RAP1GAP2: variants seen among roughly 807,000 people sequenced by gnomAD.
RAP1GAP2 encodes the protein RAP1 GTPase activating protein 2.
RAP1GAP2 carries 27 observed loss-of-function variants against 95.0 expected under a neutral mutation model. That is an observed-to-expected ratio of 0.28 (90% CI 0.21 to 0.39). RAP1GAP2 has a LOEUF of 0.39. RAP1GAP2 is among the 10% of genes least tolerant of loss of function. RAP1GAP2 has a pLI of 1.00. For missense variants in RAP1GAP2, 771 were observed against 970.0 expected (o/e 0.79, Z 2.72); for synonymous variants, 373 against 380.9 (o/e 0.98, Z 0.24).
intron 12 of RAP1GAP2, among the ~76,000 whole-genome samples, chr17:2,992,840 C>T (rs1481905756): frequency 2.0e-5 from 3 of 152,228 alleles, no homozygotes; most frequent in East Asian, 1.9e-4. Flanking sequence ...ATAAAACCCC[C>T]GCTCCATCAC....
intron 1 of RAP1GAP2, among the ~76,000 whole-genome samples, chr17:2,769,383 G>A (rs576438788): frequency 3.9e-4 from 58 of 149,636 alleles, no homozygotes; most frequent in South Asian, 2.3e-3. Context: ...GTGAAACCCC[G>A]TCTGTACTAA....
intron 2 of RAP1GAP2, among the ~76,000 whole-genome samples, chr17:2,872,715 A>T (rs1358532004): frequency 6.6e-6 from 1 of 151,510 alleles, no homozygotes; most frequent in Non-Finnish European, 1.5e-5. Flanking sequence ...TACAAAGACA[A>T]AGTTTTGTTC....
chr17:2,820,903 T>TTTTTTTTTTTTTTTTTTTTTTTG lies in RAP1GAP2; in HGVS notation c.80+20359_80+20360insTTTTTTTTTTTTTTTTGTTTTTT, dbSNP rs1567678183. On this transcript the variant is annotated intron_variant, in intron 2 of 24. Coordinates refer to ENST00000254695, the MANE Select transcript of RAP1GAP2 (RefSeq NM_015085.5). ...CGGCCCGGATAATGGTTTTTTTTTT[T>TTTTTTTTTTTTTTTTTTTTTTTG]TTTTTTGTATTTTTAGTAGAGATAG... Among the ~76,000 whole-genome samples the TTTTTTTTTTTTTTTTTTTTTTTG allele has an allele frequency of 2.1e-5, 3 of 145,868 alleles. 1 individual carries two copies. Among genetic ancestry groups the TTTTTTTTTTTTTTTTTTTTTTTG allele is most frequent in the Admixed American group, 7.0e-5 (1 of 14,330 alleles).
At chr17:2,888,353 G>C (rs969415644) in intron 2 of RAP1GAP2, among the ~76,000 whole-genome samples, 3 of 152,168 alleles carry the variant, frequency 2.0e-5, no homozygotes, top group Non-Finnish European at 4.4e-5. Flanking sequence ...CAAGGCTACA[G>C]AATACTAGAA....
At chr17:2,914,011 C>T (rs2042482296) in intron 3 of RAP1GAP2, among the ~76,000 whole-genome samples, 1 of 152,106 alleles carries the variant, frequency 6.6e-6, no homozygotes, top group Non-Finnish European at 1.5e-5. Context: ...GCTGGGATTA[C>T]AGGTGCCCAC....
chr17:2,866,388 C>T lies in RAP1GAP2; in HGVS notation c.81-38896C>T, dbSNP rs1466820370. Among the ~76,000 whole-genome samples, 1 of 152,186 alleles carries T rather than the reference C, an allele frequency of 6.6e-6. No homozygotes were observed. The highest frequency in any genetic ancestry group is 2.4e-5 in the African/African-American group (1 of 41,420). ...TCAGGCTGTGGGAGGCTTCCCTGCT[C>T]CCCGCCTCCCCTAGACTCAGGGCAG... On this transcript the variant is annotated intron_variant, in intron 2 of 24. Transcript: ENST00000254695. The surrounding 1 kb of genome is among the most constrained non-coding windows in gnomAD (Gnocchi z 4.0).
intron 8 of RAP1GAP2, among the ~76,000 whole-genome samples, chr17:2,974,107 C>T (rs1489357647): frequency 6.6e-6 from 1 of 150,804 alleles, no homozygotes; most frequent in Non-Finnish European, 1.5e-5. Flanking sequence ...CTTGGGAGGC[C>T]AAGGCGGGCG....
chr17:2,969,547 G>T (rs2044768618), intron 8 of RAP1GAP2, among the ~76,000 whole-genome samples: 1 of 126,548 alleles, frequency 7.9e-6, no homozygotes, highest in Admixed American at 9.9e-5. Context: ...TGTTGCCCAG[G>T]TTGGAGTGCA....
upstream of RAP1GAP2, among the ~76,000 whole-genome samples, chr17:2,772,616 C>A (rs1026212079): frequency 1.3e-5 from 2 of 151,460 alleles, no homozygotes; most frequent in African/African-American, 2.4e-5. Context: ...TTTTAGTTCC[C>A]GTTATGTGTC....
chr17:2,874,263 C>T (rs1470985904), intron 2 of RAP1GAP2, among the ~76,000 whole-genome samples: 1 of 152,152 alleles, frequency 6.6e-6, no homozygotes, highest in Non-Finnish European at 1.5e-5. Flanking sequence ...TCCCCTCTGC[C>T]AACTGGACAT....
chr17:2,766,705 A>G (rs2068282842), intron 1 of RAP1GAP2, among the ~76,000 whole-genome samples: 1 of 152,146 alleles, frequency 6.6e-6, no homozygotes, highest in Non-Finnish European at 1.5e-5. Flanking sequence ...TGAGGATGCA[A>G]TGGGCGTCTG....
At chr17:2,781,699 TGCACGTCTCTGTGTGA>T (rs1567643674) in intron 1 of RAP1GAP2, among the ~76,000 whole-genome samples, 1 of 113,908 alleles carries the variant, frequency 8.8e-6, no homozygotes, top group East Asian at 2.2e-4. Context: ...TCTCTGTGTG[TGCACGTCTCTGTGTGA>T]GCACGTCTCT....
chr17:2,896,405 A>G (rs1235055798), intron 2 of RAP1GAP2, among the ~76,000 whole-genome samples: 1 of 152,054 alleles, frequency 6.6e-6, no homozygotes, highest in East Asian at 1.9e-4. Context: ...TGGCTTTCCC[A>G]TGGCAGTGGG....
intron 2 of RAP1GAP2, among the ~76,000 whole-genome samples, chr17:2,868,040 G>T (rs2151633734): frequency 6.6e-6 from 1 of 152,268 alleles, no homozygotes; most frequent in Middle Eastern, 3.4e-3. Context: ...CCTGGTCTGA[G>T]AGGACAGCCT....
chr17:2,765,153 G>A (rs2068249955), intron 1 of RAP1GAP2, among the ~76,000 whole-genome samples: 1 of 152,130 alleles, frequency 6.6e-6, no homozygotes, highest in Middle Eastern at 3.2e-3. Context: ...GTCCCAAATG[G>A]AAGTCATAAT....
At chr17:2,911,705 G>C (rs372250231) in intron 3 of RAP1GAP2, among the ~76,000 whole-genome samples, 1 of 151,080 alleles carries the variant, frequency 6.6e-6, no homozygotes, top group Non-Finnish European at 1.5e-5. Flanking sequence ...GGGATGGGGC[G>C]GGGTGGGGCA....
intron 3 of RAP1GAP2, among the ~76,000 whole-genome samples, chr17:2,916,629 G>A (rs2042578039): frequency 6.6e-6 from 1 of 152,128 alleles, no homozygotes; most frequent in South Asian, 2.1e-4. Context: ...CTCTTCACTT[G>A]CATAATAGGG....
At position 2,813,917 on chromosome 17, in the gene RAP1GAP2, C is replaced by T. The variant is rs549485715; in HGVS notation, c.80+13367C>T. ...GGCGGAGGTTGCAGTGAGCCGAGATCGCACCATTGCACTCTAGCCTGGGCA... is the reference window on the plus strand; with the variant it reads ...GGCGGAGGTTGCAGTGAGCCGAGATTGCACCATTGCACTCTAGCCTGGGCA... On this transcript the variant is annotated intron_variant, in intron 2 of 24. Coordinates refer to ENST00000254695, the MANE Select transcript of RAP1GAP2 (RefSeq NM_015085.5). Among the ~76,000 whole-genome samples, 10 of 151,884 alleles carry T rather than the reference C, an allele frequency of 6.6e-5. No individual in the cohort carries two copies. In the East Asian group the frequency reaches 1.7e-3, roughly 26 times the overall value.
intron 2 of RAP1GAP2, among the ~76,000 whole-genome samples, chr17:2,876,461 C>T (rs551908954): frequency 1.1e-3 from 171 of 152,092 alleles, no homozygotes; most frequent in Non-Finnish European, 1.7e-3. Context: ...CAACCAGAAT[C>T]GGGGGTTTTG....
Sources: allele counts gnomAD v4.1 joint callset (sites outside exome capture counted in the v4.1 genomes callset), GRCh38; gene constraint gnomAD v4.1.1; non-coding constraint Gnocchi (gnomAD v3.1); transcripts MANE v1.5; gene names NCBI Gene and HGNC (gene_info 2026-07-23, HGNC 2026-07-21).